Variants in SETD7 observed in about 807,000 individuals in gnomAD.
SETD7 encodes SET domain containing 7, histone lysine methyltransferase, also known as histone-lysine N-methyltransferase SETD7.
A neutral mutation model predicts 41.8 loss-of-function variants in SETD7; 16 were observed. The observed-to-expected ratio is 0.38, with a 90% CI of 0.26 to 0.58. The LOEUF (loss-of-function observed/expected upper bound fraction) is 0.58. Among genes scored for constraint, SETD7 ranks in the 20% least tolerant of loss-of-function variants. SETD7 has a pLI of 0.64. For missense variants in SETD7, 346 were observed against 459.7 expected (o/e 0.75, Z 2.26); for synonymous variants, 163 against 169.7 (o/e 0.96, Z 0.31).
chr4:139,555,355 G>A lies in SETD7; in HGVS notation c.40+743C>T, dbSNP rs189000129. On this transcript the variant is annotated intron_variant, in intron 1 of 7. Transcript: ENST00000274031. This position sits in a 1 kb window ranked among gnomAD's most constrained non-coding sequence, Gnocchi z 4.0. The stretch of plus-strand genomic sequence containing the variant: ...AAGTGTCACCCAGCAATCTCGGTGC[G>A]GACTCGCGGCGCGCCTGCACAGCGT... Among the ~76,000 whole-genome samples, 408 of 151,628 alleles carry A rather than the reference G, an allele frequency of 2.7e-3. 6 individuals are homozygous for A. Among genetic ancestry groups the A allele is most frequent in the African/African-American group, 9.6e-3 (396 of 41,340 alleles).
In SETD7 at chr4:139,520,895, G is replaced by T. The variant is rs190101412; in HGVS notation, c.645-501C>A. 1.1e-4 allele frequency among the ~76,000 whole-genome samples: 16 copies of T among 152,280 alleles called. No homozygotes were observed. In the East Asian group the frequency reaches 2.3e-3, roughly 22 times the overall value. Reference sequence around the variant, plus strand: ...TCCAATAAGCATTTCCCAGCAAAAGGGTTCATAACAGGGGTCAGTTAACTA... The same window carrying T: ...TCCAATAAGCATTTCCCAGCAAAAGTGTTCATAACAGGGGTCAGTTAACTA... On this transcript the variant is annotated intron_variant, in intron 5 of 7. Transcript: ENST00000274031.
In SETD7 at chr4:139,533,371, G is replaced by T. The variant is rs752700029; in HGVS notation, c.171-5C>A. 3 of 1,611,760 alleles carry T rather than the reference G, an allele frequency of 1.9e-6. No individual in the cohort carries two copies. Among genetic ancestry groups the T allele is most frequent in the Admixed American group, 3.4e-5 (2 of 59,626 alleles). Reference sequence around the variant, plus strand: ...ACATAATACCCCTCCAGGGTGCTGTGAGGAAAGGAAAAACAAAAAGGAATA... The same window carrying T: ...ACATAATACCCCTCCAGGGTGCTGTTAGGAAAGGAAAAACAAAAAGGAATA... On this transcript the variant is annotated splice_region_variant and splice_polypyrimidine_tract_variant and intron_variant, in intron 2 of 7. Coordinates refer to ENST00000274031, the MANE Select transcript of SETD7 (RefSeq NM_030648.4).
downstream of SETD7, among the ~76,000 whole-genome samples, chr4:139,495,182 C>G (rs537410757): frequency 1.6e-3 from 249 of 152,188 alleles, no homozygotes; most frequent in African/African-American, 4.9e-3. Flanking sequence ...GAAAAGTACC[C>G]AGTTCAGTGC....
rs139325056 is a variant in SETD7, at chr4:139,513,878, T to G, written c.921-2035A>C. The stretch of plus-strand genomic sequence containing the variant: ...GTTACTGCCTGCCTGTGAGCATGCA[T>G]GTGTGAACACAAAAGTGAACAGTTA... On this transcript the variant is annotated intron_variant, in intron 7 of 7. Transcript: ENST00000274031. Among the ~76,000 whole-genome samples the G allele has an allele frequency of 7.6e-4, 116 of 152,376 alleles. 1 individual carries two copies. The highest frequency in any genetic ancestry group is 3.9e-3 in the East Asian group (20 of 5,194).
At chr4:139,528,422 A>C (rs1727391723) in intron 4 of SETD7, among the ~76,000 whole-genome samples, 1 of 152,204 alleles carries the variant, frequency 6.6e-6, no homozygotes, top group African/African-American at 2.4e-5. Context: ...TTTTTTGGAG[A>C]GATAACCATT....
At chr4:139,531,156 A>C (rs1031423049) in intron 3 of SETD7, among the ~76,000 whole-genome samples, 1 of 152,168 alleles carries the variant, frequency 6.6e-6, no homozygotes, top group Non-Finnish European at 1.5e-5. Flanking sequence ...GCTCCTTCCT[A>C]AGGCAGAGTC....
At position 139,506,766 on chromosome 4, in the gene SETD7, A is replaced by G. The variant is rs1014012107; in HGVS notation, c.*4897T>C. 1.3e-5 allele frequency: 2 copies of G among 152,678 alleles called. No individual in the cohort carries two copies. Among genetic ancestry groups the G allele is most frequent in the Non-Finnish European group, 1.5e-5 (1 of 68,048 alleles). 9.5% of individuals were successfully genotyped at this position (152,678 alleles called of 1,614,324 possible). ...TTTGTTTGTTTGTTTTTTCAATAAC[A>G]TAAGAGTCAGGAGAGTTGGGAGGTA... On this transcript the variant is annotated 3_prime_UTR_variant, in exon 8 of 8. Transcript: ENST00000274031.
rs148562639 is a variant in SETD7, at chr4:139,508,471, G to T, written c.*3192C>A. Reference sequence around the variant, plus strand: ...GTTAGTCCATTCAAATGTCCATTTGGGGACATGCTCCTACAGGTTAGTTCC... The same window carrying T: ...GTTAGTCCATTCAAATGTCCATTTGTGGACATGCTCCTACAGGTTAGTTCC... On this transcript the variant is annotated 3_prime_UTR_variant, in exon 8 of 8. Coordinates refer to ENST00000274031, the MANE Select transcript of SETD7 (RefSeq NM_030648.4). The T allele has an allele frequency of 6.6e-6, 1 of 152,214 alleles. No individual in the cohort carries two copies. The highest frequency in any genetic ancestry group is 1.9e-4 in the East Asian group (1 of 5,176). 9.4% of individuals were successfully genotyped at this position (152,214 alleles called of 1,614,324 possible).
intron 6 of SETD7, among the ~76,000 whole-genome samples, chr4:139,519,200 T>C (rs1727112777): frequency 6.6e-6 from 1 of 152,222 alleles, no homozygotes. Flanking sequence ...TGTATTTTTC[T>C]TATCTCCCCA....
At chr4:139,543,869 C>A (rs546086591) in intron 2 of SETD7, among the ~76,000 whole-genome samples, 17 of 151,578 alleles carry the variant, frequency 1.1e-4, no homozygotes, top group South Asian at 8.4e-4. Context: ...GAGGCTGAGG[C>A]AGGAGAATGG....
At chr4:139,536,952 G>A (rs1460794442) in intron 2 of SETD7, among the ~76,000 whole-genome samples, 2 of 152,172 alleles carry the variant, frequency 1.3e-5, no homozygotes, top group South Asian at 2.1e-4. Context: ...GCAGCGAGCC[G>A]AGATCGCACC....
chr4:139,521,144 G>A (rs1727170270), intron 5 of SETD7, among the ~76,000 whole-genome samples: 1 of 152,174 alleles, frequency 6.6e-6, no homozygotes, highest in South Asian at 2.1e-4. Flanking sequence ...GAAAACAGCT[G>A]GTCGGGCGTG....
chr4:139,545,642 C>T (rs1247446983), intron 2 of SETD7, among the ~76,000 whole-genome samples: 1 of 152,164 alleles, frequency 6.6e-6, no homozygotes, highest in Non-Finnish European at 1.5e-5. Context: ...GCTGTTCTCA[C>T]CCCTCATTGC....
At chr4:139,520,889 C>A (rs1379902286) in intron 5 of SETD7, among the ~76,000 whole-genome samples, 1 of 152,130 alleles carries the variant, frequency 6.6e-6, no homozygotes, top group Non-Finnish European at 1.5e-5. Context: ...CATTTCCCAG[C>A]AAAAGGGTTC....
At chr4:139,550,319 A>C (rs1489191766) in intron 1 of SETD7, among the ~76,000 whole-genome samples, 1 of 151,928 alleles carries the variant, frequency 6.6e-6, no homozygotes, top group African/African-American at 2.4e-5. Flanking sequence ...ACATGTGACC[A>C]CTCCCTATCA....
At chr4:139,551,113 G>T (rs974013753) in intron 1 of SETD7, among the ~76,000 whole-genome samples, 3 of 152,244 alleles carry the variant, frequency 2.0e-5, no homozygotes, top group Non-Finnish European at 4.4e-5. Context: ...GAACCACCAG[G>T]TTTCCAACAG....
At chr4:139,519,162 A>G (rs1450877635) in intron 6 of SETD7, among the ~76,000 whole-genome samples, 2 of 152,200 alleles carry the variant, frequency 1.3e-5, no homozygotes, top group African/African-American at 4.8e-5. Context: ...GGCACTTGGT[A>G]CCATCTACCT....
rs1394682735 is a variant in SETD7 at position 139,511,400 on chromosome 4, A to G, written c.*263T>C. ...GAATGTGGTACAGATTTAGACTTGA[A>G]CCACCAAAGAACATCACGCTGTCTT... On this transcript the variant is annotated 3_prime_UTR_variant, in exon 8 of 8. Coordinates refer to ENST00000274031, the MANE Select transcript of SETD7 (RefSeq NM_030648.4). 5 of 446,678 alleles carry G rather than the reference A, an allele frequency of 1.1e-5. No homozygotes were observed. In the East Asian group the frequency reaches 2.1e-4, roughly 19 times the overall value. 27.7% of individuals were successfully genotyped at this position (446,678 alleles called of 1,614,324 possible).
chr4:139,500,601 C>G (rs994591449), intron 7 of SETD7, among the ~76,000 whole-genome samples: 1 of 152,160 alleles, frequency 6.6e-6, no homozygotes, highest in Non-Finnish European at 1.5e-5. Context: ...CTCCGCCTCC[C>G]AGTTTCAAGC....
Sources: gnomAD v4.1 joint callset for allele counts (sites outside exome capture counted in the v4.1 genomes callset) on GRCh38, gnomAD v4.1.1 for gene constraint, Gnocchi (gnomAD v3.1) non-coding constraint, MANE v1.5 for transcripts, NCBI Gene and HGNC (gene_info 2026-07-23, HGNC 2026-07-21) for gene names.